The following MAPKAP1 variants were observed in gnomAD, a reference collection of about 807,000 sequenced individuals.
MAPKAP1 encodes the protein target of rapamycin complex 2 subunit MAPKAP1.
MAPKAP1 carries 20 observed loss-of-function variants against 65.7 expected under a neutral mutation model. The ratio of observed to expected loss-of-function variants is 0.30; its 90% CI spans 0.21 to 0.44. The LOEUF is 0.44. Among genes scored for constraint, MAPKAP1 ranks in the 20% least tolerant of loss-of-function variants. The pLI, the probability that MAPKAP1 is intolerant of heterozygous loss-of-function variation, is 1.00. For synonymous variants in MAPKAP1, 222 were observed against 244.3 expected, an observed-to-expected ratio of 0.91 and a Z score of 0.85; for missense variants, 423 against 648.0, an observed-to-expected ratio of 0.65 and a Z score of 3.77.
At chr9:125,440,399 C>T (rs1852436344) in intron 11 of MAPKAP1, among the ~76,000 whole-genome samples, 1 of 152,228 alleles carries the variant, frequency 6.6e-6, no homozygotes, top group Non-Finnish European at 1.5e-5. Flanking sequence ...GCTCCTCTGG[C>T]TGGGGCTTTT....
chr9:125,511,259 T>C (rs1408755853), intron 7 of MAPKAP1, among the ~76,000 whole-genome samples: 1 of 152,144 alleles, frequency 6.6e-6, no homozygotes, highest in Non-Finnish European at 1.5e-5. Context: ...ACTACCACCA[T>C]CACAGGCCCT....
intron 4 of MAPKAP1, among the ~76,000 whole-genome samples, chr9:125,651,799 A>T (rs1043729639): frequency 2.0e-5 from 3 of 152,128 alleles, no homozygotes; most frequent in African/African-American, 4.8e-5. Flanking sequence ...TTCTTCATTC[A>T]TGGTTACCCC....
chr9:125,668,043 A>G (rs1482292110), intron 3 of MAPKAP1, among the ~76,000 whole-genome samples: 4 of 152,360 alleles, frequency 2.6e-5, no homozygotes, highest in Admixed American at 2.0e-4. Flanking sequence ...AGAATGAGAT[A>G]TAAGTAAGAA....
At chr9:125,563,883 T>G (rs2131515465) in intron 5 of MAPKAP1, among the ~76,000 whole-genome samples, 1 of 152,238 alleles carries the variant, frequency 6.6e-6, no homozygotes, top group East Asian at 1.9e-4. Flanking sequence ...TGGCTAATTT[T>G]TGTATTTTTA....
chr9:125,651,907 A>T (rs953844794), intron 4 of MAPKAP1, among the ~76,000 whole-genome samples: 1 of 152,226 alleles, frequency 6.6e-6, no homozygotes, highest in Non-Finnish European at 1.5e-5. Flanking sequence ...CTCAGGCAGC[A>T]TTAAGTAAAA....
At chr9:125,666,345 C>A (rs552674617) in intron 3 of MAPKAP1, among the ~76,000 whole-genome samples, 1 of 152,210 alleles carries the variant, frequency 6.6e-6, no homozygotes, top group African/African-American at 2.4e-5. Context: ...TATGCTGTGT[C>A]TTAAAGGATA....
chr9:125,495,639 G>A (rs1404040622), intron 8 of MAPKAP1, among the ~76,000 whole-genome samples: 1 of 152,154 alleles, frequency 6.6e-6, no homozygotes, highest in African/African-American at 2.4e-5. Context: ...AAACGGAAAC[G>A]GGGGAACTTT....
Position 125,438,773 on chromosome 9 carries a change from G to A in MAPKAP1, c.*114C>T. 1.4e-6 allele frequency: 2 copies of A among 1,434,476 alleles called. No individual in the cohort carries two copies. Among genetic ancestry groups the A allele is most frequent in the Non-Finnish European group, 1.9e-6 (2 of 1,048,582 alleles). The allele number at this position is 1,434,476 out of a possible 1,614,324, so 88.9% of individuals were successfully genotyped here. On this transcript the variant is annotated 3_prime_UTR_variant, in exon 12 of 12. Coordinates refer to ENST00000265960, the MANE Select transcript of MAPKAP1 (RefSeq NM_001006617.3). ...GAGAGCCCACCTGCCCTGTGCCAGT[G>A]AGCCAGGGGCTGGCCTCCCCCCGAG... is the stretch of plus-strand genomic sequence containing the variant.
At chr9:125,544,264 G>A (rs371591120) in intron 6 of MAPKAP1, among the ~76,000 whole-genome samples, 4 of 150,912 alleles carry the variant, frequency 2.7e-5, no homozygotes, top group South Asian at 4.2e-4. Flanking sequence ...TGCCTCAGCT[G>A]CCCAAAGTGC....
chr9:125,684,628 A>C (rs1834920201), intron 1 of MAPKAP1, among the ~76,000 whole-genome samples: 1 of 152,218 alleles, frequency 6.6e-6, no homozygotes, highest in Non-Finnish European at 1.5e-5. Flanking sequence ...TACCCTAAGG[A>C]GCGCCAAAGC....
intron 10 of MAPKAP1, among the ~76,000 whole-genome samples, chr9:125,452,668 C>A (rs1172581813): frequency 6.6e-6 from 1 of 151,960 alleles, no homozygotes; most frequent in Non-Finnish European, 1.5e-5. Flanking sequence ...GTAATCCCAG[C>A]ACTTTGGGAG....
At chr9:125,482,148 A>AAAAAAAGAAG (rs60516268) in intron 9 of MAPKAP1, among the ~76,000 whole-genome samples, 13 of 116,966 alleles carry the variant, frequency 1.1e-4, no homozygotes, top group Non-Finnish European at 1.7e-4. Flanking sequence ...AAAAAAAAAA[A>AAAAAAAGAAG]AAGAAGAAGA....
At chr9:125,448,414 G>A (rs1036616851) in intron 10 of MAPKAP1, among the ~76,000 whole-genome samples, 1 of 152,088 alleles carries the variant, frequency 6.6e-6, no homozygotes, top group Non-Finnish European at 1.5e-5. Context: ...TCCACCATAG[G>A]TGTCTGGGAA....
intron 7 of MAPKAP1, among the ~76,000 whole-genome samples, chr9:125,529,075 G>A (rs1348961144): frequency 6.6e-6 from 1 of 150,854 alleles, no homozygotes; most frequent in African/African-American, 2.4e-5. Context: ...TCGGGAAGTT[G>A]AGGCAGGAGA....
At chr9:125,588,122 A>G (rs901711209) in intron 4 of MAPKAP1, among the ~76,000 whole-genome samples, 1 of 152,234 alleles carries the variant, frequency 6.6e-6, no homozygotes, top group African/African-American at 2.4e-5. Context: ...ACAAATGTTC[A>G]TAGCAGTATT....
rs577245234 is a variant in MAPKAP1, at chr9:125,628,216, C to T, written c.498+29435G>A. On this transcript the variant is annotated intron_variant, in intron 4 of 11. Transcript: ENST00000265960. The stretch of plus-strand genomic sequence containing the variant: ...ATCTTAAAGGATAAACAGCAATTCA[C>T]TATAGAGGAAGACATTTCAGGCAGA... Among the ~76,000 whole-genome samples, 3 of 152,190 alleles carry T rather than the reference C, an allele frequency of 2.0e-5. No homozygotes were observed. In the South Asian group the frequency reaches 6.2e-4, roughly 32 times the overall value.
intron 1 of MAPKAP1, among the ~76,000 whole-genome samples, chr9:125,698,172 A>G (rs1474340182): frequency 6.7e-6 from 1 of 148,382 alleles, no homozygotes; most frequent in Non-Finnish European, 1.5e-5. Context: ...GTATATACAA[A>G]AAGTATATAT....
intron 4 of MAPKAP1, among the ~76,000 whole-genome samples, chr9:125,611,154 T>C (rs1306601980): frequency 2.0e-5 from 3 of 152,212 alleles, no homozygotes; most frequent in Non-Finnish European, 2.9e-5. Context: ...TAACAATTAC[T>C]GAATACAGGT....
chr9:125,492,292 G>A (rs1854765467), intron 8 of MAPKAP1, among the ~76,000 whole-genome samples: 1 of 152,210 alleles, frequency 6.6e-6, no homozygotes, highest in Non-Finnish European at 1.5e-5. Context: ...CAAAAAGTTT[G>A]AGAACTGCTG....
Sources: gnomAD v4.1 joint callset for allele counts (sites outside exome capture counted in the v4.1 genomes callset) on GRCh38, gnomAD v4.1.1 for gene constraint, MANE v1.5 for transcripts, NCBI Gene and HGNC (gene_info 2026-07-23, HGNC 2026-07-21) for gene names.